Variants in LRPPRC observed in about 807,000 individuals in gnomAD.
LRPPRC encodes the protein leucine rich pentatricopeptide repeat containing, also known as leucine-rich PPR motif-containing protein, mitochondrial.
Under a neutral mutation model 180.3 loss-of-function variants are expected in LRPPRC, and 120 were observed. That is an observed-to-expected ratio of 0.67 (90% CI 0.57 to 0.77). The LOEUF is 0.77. Ranked by LOEUF, LRPPRC falls within the 30% of genes least tolerant of loss-of-function variation. The pLI is 0.00. For synonymous variants in LRPPRC, 723 were observed against 600.0 expected (o/e 1.21, Z -3.00); for missense variants, 2,012 against 1,657.2 (o/e 1.21, Z -3.72).
chr2:43,995,757 C>G (rs1243967764), intron 1 of LRPPRC, 42 bp downstream of exon 1: 2 of 1,347,964 alleles, frequency 1.5e-6, no homozygotes, highest in Non-Finnish European at 1.9e-6. Context: ...CCGGGGGACC[C>G]TGGCGCCGCA....
At chr2:43,917,318 G>A (rs1157606185) in intron 29 of LRPPRC, among the ~76,000 whole-genome samples, 2 of 151,476 alleles carry the variant, frequency 1.3e-5, no homozygotes, top group Admixed American at 1.3e-4. Flanking sequence ...CAAAGTGCTG[G>A]GATTACAGGT....
chr2:43,947,189 T>G, intron 20 of LRPPRC, 68 bp downstream of exon 20: 1 of 700,802 alleles, frequency 1.4e-6, no homozygotes, highest in Non-Finnish European at 2.5e-6. Flanking sequence ...AATATTATAT[T>G]TGGTTTTTCT....
At chr2:43,977,099 G>A in intron 4 of LRPPRC, 47 bp from the exon 5 acceptor site, 2 of 1,605,386 alleles carry the variant, frequency 1.2e-6, no homozygotes, top group South Asian at 2.2e-5. Context: ...TTTTTTTTCT[G>A]AGTAAAGAAA....
At chr2:43,930,188 A>T (rs1405240458) in intron 25 of LRPPRC, among the ~76,000 whole-genome samples, 1 of 151,950 alleles carries the variant, frequency 6.6e-6, no homozygotes, top group Non-Finnish European at 1.5e-5. Context: ...AAGAGATCAA[A>T]ATGTACTCCG....
chr2:43,993,440 G>A (rs1380536791), intron 1 of LRPPRC, among the ~76,000 whole-genome samples: 1 of 152,082 alleles, frequency 6.6e-6, no homozygotes, highest in Non-Finnish European at 1.5e-5. Context: ...CTTTGACAGC[G>A]GTGTGACTGC....
intron 5 of LRPPRC, 58 bp from the exon 6 acceptor site, chr2:43,976,287 C>T (rs1376233050): frequency 8.6e-6 from 8 of 934,462 alleles, no homozygotes; most frequent in Admixed American, 1.7e-5. Flanking sequence ...CTCTTTACAA[C>T]ATGTACAGAA....
rs1388290178 is a variant in LRPPRC, at chr2:43,953,206, T to TA, written c.1650-2607dup. Among the ~76,000 whole-genome samples the TA allele has an allele frequency of 4.6e-5, 7 of 152,324 alleles. No homozygotes were observed. The East Asian group carries it at 1.4e-3, about 29-fold the overall frequency. ...CCTTGGCAGAAGACTGAGTACCTTCTATAAACATTCATAGTTACGAAGACT... is the reference window on the plus strand; with the variant it reads ...CCTTGGCAGAAGACTGAGTACCTTCTAATAAACATTCATAGTTACGAAGACT... On this transcript the variant is annotated intron_variant, in intron 14 of 37. Coordinates refer to ENST00000260665, the MANE Select transcript of LRPPRC (RefSeq NM_133259.4).
At chr2:43,905,575 C>T (rs1465412134) in intron 31 of LRPPRC, 117 bp downstream of exon 31, 1 of 781,318 alleles carries the variant, frequency 1.3e-6, no homozygotes, top group African/African-American at 1.7e-5. Flanking sequence ...CCACAAAAGG[C>T]TCTTGATAAG....
intron 29 of LRPPRC, among the ~76,000 whole-genome samples, chr2:43,915,830 C>T (rs953596358): frequency 6.6e-6 from 1 of 152,110 alleles, no homozygotes; most frequent in Admixed American, 6.6e-5. Context: ...CACCCAGGTG[C>T]GATCATGGCT....
chr2:43,976,444 C>T (rs567104620), intron 5 of LRPPRC, among the ~76,000 whole-genome samples: 1 of 152,218 alleles, frequency 6.6e-6, no homozygotes, highest in African/African-American at 2.4e-5. Flanking sequence ...ACTATCGATA[C>T]AAATACTAGA....
chr2:43,934,822 A>G lies in LRPPRC; in HGVS notation c.2561T>C (p.Val854Ala). 6.2e-7 allele frequency: 1 copy of G among 1,612,040 alleles called. No individual in the cohort carries two copies. Among genetic ancestry groups the G allele is most frequent in the Non-Finnish European group, 8.5e-7 (1 of 1,178,172 alleles). ...VAIDCYEKYKVLPRIHDVLCK... is the reference protein window; with the variant it reads ...VAIDCYEKYKALPRIHDVLCK... ...CAAGACATCATGAATCCTTGGTAAT[A>G]CTTTATACTTTTCATAGCAGTCAAT... Residue 854 changes from valine to alanine, a missense_variant, in exon 24 of 38, where the codon GTA becomes GCA. Physicochemically the swap from Val to Ala is moderately conservative, Grantham distance 64. Coordinates refer to ENST00000260665, the MANE Select transcript of LRPPRC (RefSeq NM_133259.4).
At chr2:43,992,051 C>G (rs948668653) in intron 1 of LRPPRC, among the ~76,000 whole-genome samples, 1 of 152,214 alleles carries the variant, frequency 6.6e-6, no homozygotes, top group African/African-American at 2.4e-5. Flanking sequence ...CTTCAAGCAA[C>G]TTACAGCCAG....
chr2:43,951,981 G>C lies in LRPPRC; in HGVS notation c.1650-1381C>G, dbSNP rs754600278. ...GGCTGAGGTGGGTAGATCACCTGAG[G>C]TCGGGAGTTCAAGACCAGCCTGACT... is the stretch of plus-strand genomic sequence containing the variant. On this transcript the variant is annotated intron_variant, in intron 14 of 37. Transcript: ENST00000260665. Among the ~76,000 whole-genome samples the C allele has an allele frequency of 5.3e-5, 8 of 152,272 alleles. No individual in the cohort carries two copies. In the South Asian group the frequency reaches 1.0e-3, roughly 20 times the overall value.
chr2:43,907,820 T>C (rs1223775885), intron 30 of LRPPRC, among the ~76,000 whole-genome samples: 4 of 152,172 alleles, frequency 2.6e-5, no homozygotes, highest in African/African-American at 4.8e-5. Context: ...AACTTTCACA[T>C]TGGACATTTC....
At chr2:43,958,372 G>A (rs573032159) in intron 13 of LRPPRC, among the ~76,000 whole-genome samples, 6 of 152,186 alleles carry the variant, frequency 3.9e-5, no homozygotes, top group Admixed American at 6.5e-5. Flanking sequence ...TTAAGTGAAG[G>A]TTAAGGTACC....
At chr2:43,891,257 CA>C (rs1010170963) in intron 36 of LRPPRC, among the ~76,000 whole-genome samples, 1 of 152,212 alleles carries the variant, frequency 6.6e-6, no homozygotes, top group Non-Finnish European at 1.5e-5. Flanking sequence ...ACCTTCCTCC[CA>C]AAATGGATTA....
chr2:43,970,948 A>C (rs1673778143), intron 11 of LRPPRC, among the ~76,000 whole-genome samples: 1 of 152,200 alleles, frequency 6.6e-6, no homozygotes, highest in Non-Finnish European at 1.5e-5. Context: ...AAAATACCAA[A>C]AATTAGCTGG....
At chr2:43,920,508 G>T (rs1671661823) in intron 27 of LRPPRC, among the ~76,000 whole-genome samples, 2 of 152,106 alleles carry the variant, frequency 1.3e-5, no homozygotes. Context: ...AGTGCAGAGT[G>T]ATTTTATACA....
intron 36 of LRPPRC, among the ~76,000 whole-genome samples, chr2:43,892,253 A>T (rs1247810885): frequency 6.6e-6 from 1 of 152,244 alleles, no homozygotes; most frequent in Admixed American, 6.5e-5. Flanking sequence ...GTCATCAAAG[A>T]TTTCATAGCT....
Sources: gnomAD v4.1 joint callset for allele counts (sites outside exome capture counted in the v4.1 genomes callset) on GRCh38, gnomAD v4.1.1 for gene constraint, MANE v1.5 for transcripts, NCBI Gene and HGNC (gene_info 2026-07-23, HGNC 2026-07-21) for gene names.